CHST9: variants seen among roughly 807,000 people sequenced by gnomAD.
CHST9 encodes the protein GalNAc-4-sulfotransferase 2.
CHST9 carries 41 observed loss-of-function variants against 44.4 expected under a neutral mutation model. The ratio of observed to expected loss-of-function variants is 0.92; its 90% CI spans 0.72 to 1.20. The LOEUF (loss-of-function observed/expected upper bound fraction) is 1.20. CHST9 is among the 50% of genes most tolerant of loss of function. The pLI is 0.00. For synonymous variants in CHST9, 171 were observed against 178.4 expected, an observed-to-expected ratio of 0.96 and a Z score of 0.33; for missense variants, 504 against 516.5, an observed-to-expected ratio of 0.98 and a Z score of 0.23.
intron 3 of CHST9, among the ~76,000 whole-genome samples, chr18:27,046,886 TA>T (rs1360003893): frequency 6.6e-6 from 1 of 152,088 alleles, no homozygotes; most frequent in Non-Finnish European, 1.5e-5. Flanking sequence ...GGCAAATTAG[TA>T]AAAATTCCAC....
At chr18:27,047,282 A>T (rs2057512891) in intron 3 of CHST9, among the ~76,000 whole-genome samples, 1 of 152,160 alleles carries the variant, frequency 6.6e-6, no homozygotes, top group South Asian at 2.1e-4. Flanking sequence ...TGGAAATAGC[A>T]TTTAGAAGCA....
At chr18:27,134,282 A>G (rs2058496086) in intron 2 of CHST9, among the ~76,000 whole-genome samples, 1 of 151,998 alleles carries the variant, frequency 6.6e-6, no homozygotes, top group African/African-American at 2.4e-5. Context: ...ACTTAGTTTG[A>G]AAAAAAAGCA....
chr18:27,077,847 T>C (rs1195067886), intron 2 of CHST9, among the ~76,000 whole-genome samples: 1 of 152,080 alleles, frequency 6.6e-6, no homozygotes, highest in Non-Finnish European at 1.5e-5. Flanking sequence ...GAAAAGAGGT[T>C]TAATTGGCTC....
intron 1 of CHST9, among the ~76,000 whole-genome samples, chr18:27,160,878 A>G (rs902679769): frequency 6.6e-6 from 1 of 151,886 alleles, no homozygotes; most frequent in Non-Finnish European, 1.5e-5. Context: ...TTTCTTCTAG[A>G]TTTTCTAGTT....
intron 2 of CHST9, among the ~76,000 whole-genome samples, chr18:27,124,919 C>T (rs1470212048): frequency 6.6e-6 from 1 of 152,162 alleles, no homozygotes; most frequent in African/African-American, 2.4e-5. Context: ...GCAGCCTGAT[C>T]ACTTTATGGA....
intron 4 of CHST9, among the ~76,000 whole-genome samples, chr18:26,989,084 G>T (rs923856350): frequency 3.3e-5 from 5 of 152,076 alleles, no homozygotes; most frequent in Middle Eastern, 3.4e-3. Flanking sequence ...TATTTTAAGA[G>T]ACATGAAAAA....
intron 5 of CHST9, among the ~76,000 whole-genome samples, chr18:26,926,190 C>T (rs1385909403): frequency 6.6e-6 from 1 of 152,204 alleles, no homozygotes; most frequent in African/African-American, 2.4e-5. Context: ...ACTGCTTCAA[C>T]ACAAACCAGC....
intron 5 of CHST9, among the ~76,000 whole-genome samples, chr18:26,940,223 G>GAAA (rs33920690): frequency 3.3e-5 from 5 of 150,862 alleles, no homozygotes; most frequent in East Asian, 3.9e-4. Context: ...ATGAGACTCA[G>GAAA]AAAAAAAAAC....
intron 4 of CHST9, among the ~76,000 whole-genome samples, chr18:26,971,856 C>G (rs1183642918): frequency 6.6e-6 from 1 of 151,166 alleles, no homozygotes; most frequent in Non-Finnish European, 1.5e-5. Flanking sequence ...TCCCACGACT[C>G]CCCACAGACA....
At chr18:27,171,884 A>T (rs1388316780) in intron 1 of CHST9, among the ~76,000 whole-genome samples, 4 of 152,196 alleles carry the variant, frequency 2.6e-5, no homozygotes. Context: ...GTTTTAATAC[A>T]TGCACAAATA....
intron 2 of CHST9, among the ~76,000 whole-genome samples, chr18:27,104,063 CT>C (rs1481128800): frequency 1.3e-5 from 2 of 152,154 alleles, no homozygotes; most frequent in African/African-American, 2.4e-5. Context: ...TTCTATCATA[CT>C]TTTAAAAAAG....
At chr18:27,021,166 C>A (rs1205314803) in intron 4 of CHST9, among the ~76,000 whole-genome samples, 1 of 152,010 alleles carries the variant, frequency 6.6e-6, no homozygotes, top group East Asian at 1.9e-4. Flanking sequence ...GGATGTGAGA[C>A]AAGGGTGGGA....
intron 4 of CHST9, among the ~76,000 whole-genome samples, chr18:27,023,765 G>T (rs868626815): frequency 1.3e-5 from 2 of 152,140 alleles, no homozygotes; most frequent in Non-Finnish European, 2.9e-5. Flanking sequence ...AGACTACAGT[G>T]CAATGTGCCA....
intron 5 of CHST9, among the ~76,000 whole-genome samples, chr18:26,925,226 C>T (rs1336692623): frequency 6.6e-6 from 1 of 152,162 alleles, no homozygotes; most frequent in African/African-American, 2.4e-5. Flanking sequence ...CAGGCAGAAT[C>T]ATTTCCATTT....
intron 4 of CHST9, among the ~76,000 whole-genome samples, chr18:26,996,448 A>T (rs1490959152): frequency 6.6e-6 from 1 of 152,130 alleles, no homozygotes; most frequent in Non-Finnish European, 1.5e-5. Flanking sequence ...TGAGTTCTTC[A>T]GAGATCTGGT....
chr18:26,940,133 T>C (rs1387278823), intron 5 of CHST9, among the ~76,000 whole-genome samples: 1 of 152,224 alleles, frequency 6.6e-6, no homozygotes, highest in Non-Finnish European at 1.5e-5. Context: ...GTCTATCCCA[T>C]TTGCCCAGAT....
chr18:27,125,910 AG>A (rs966360504), intron 2 of CHST9, among the ~76,000 whole-genome samples: 1 of 152,256 alleles, frequency 6.6e-6, no homozygotes, highest in African/African-American at 2.4e-5. Flanking sequence ...GAAGTGTAAA[AG>A]GGTAACATGG....
chr18:27,075,739 A>G (rs1441317201), intron 2 of CHST9, among the ~76,000 whole-genome samples: 1 of 152,196 alleles, frequency 6.6e-6, no homozygotes, highest in African/African-American at 2.4e-5. Context: ...AGACATGGAA[A>G]ACATTCACTC....
At chr18:27,089,229 T>A (rs1416635689) in intron 2 of CHST9, among the ~76,000 whole-genome samples, 1 of 152,172 alleles carries the variant, frequency 6.6e-6, no homozygotes, top group African/African-American at 2.4e-5. Context: ...GTTGGTTTGC[T>A]GCACCCATCA....
Sources: allele counts gnomAD v4.1 joint callset (sites outside exome capture counted in the v4.1 genomes callset), GRCh38; gene constraint gnomAD v4.1.1; transcripts MANE v1.5; gene names NCBI Gene and HGNC (gene_info 2026-07-23, HGNC 2026-07-21).